The following ARNT variants were observed in gnomAD, a reference collection of about 807,000 sequenced individuals.
The protein encoded by ARNT is class E basic helix-loop-helix protein 2.
A neutral mutation model predicts 105.0 loss-of-function variants in ARNT; 30 were observed. That is an observed-to-expected ratio of 0.29 (90% confidence interval 0.21 to 0.39). The LOEUF is 0.39. ARNT is among the 10% of genes least tolerant of loss of function. ARNT has a pLI of 1.00. For synonymous variants in ARNT, 304 were observed against 344.0 expected, an observed-to-expected ratio of 0.88 and a Z score of 1.29; for missense variants, 748 against 978.7, an observed-to-expected ratio of 0.76 and a Z score of 3.15.
intron 2 of ARNT, among the ~76,000 whole-genome samples, chr1:150,854,543 C>A (rs187336094): frequency 6.6e-6 from 1 of 152,118 alleles, no homozygotes; most frequent in Non-Finnish European, 1.5e-5. Context: ...ACCTCAGTGA[C>A]ATGGCAAGAC....
chr1:150,868,052 T>C (rs1666891674), intron 1 of ARNT, among the ~76,000 whole-genome samples: 1 of 152,062 alleles, frequency 6.6e-6, no homozygotes, highest in Non-Finnish European at 1.5e-5. Flanking sequence ...AAGAGGACTA[T>C]GGTAGGTACC....
chr1:150,857,418 C>T (rs1422841113), intron 2 of ARNT, among the ~76,000 whole-genome samples: 1 of 152,148 alleles, frequency 6.6e-6, no homozygotes, highest in Admixed American at 6.6e-5. Flanking sequence ...TAGAAAGTTA[C>T]TTATTCAGCT....
chr1:150,871,460 C>G (rs1667425883), intron 1 of ARNT, among the ~76,000 whole-genome samples: 1 of 151,060 alleles, frequency 6.6e-6, no homozygotes, highest in African/African-American at 2.4e-5. Context: ...GCCACCATGC[C>G]TGGCTAATTT....
At chr1:150,836,891 A>G (rs796374961) in intron 6 of ARNT, among the ~76,000 whole-genome samples, 13 of 152,220 alleles carry the variant, frequency 8.5e-5, no homozygotes, top group African/African-American at 3.1e-4. Context: ...CAAACAAAAC[A>G]AAACAAAACA....
intron 4 of ARNT, 88 bp from the exon 5 acceptor site, chr1:150,842,556 G>A (rs1242142093): frequency 6.3e-6 from 7 of 1,104,924 alleles, no homozygotes; most frequent in South Asian, 2.8e-5. Context: ...AAGGAAGGAG[G>A]GAGGGAGAGG....
chr1:150,827,863 G>T (rs1441094095), intron 12 of ARNT, among the ~76,000 whole-genome samples: 1 of 152,158 alleles, frequency 6.6e-6, no homozygotes, highest in Non-Finnish European at 1.5e-5. Context: ...AGCCATTCTA[G>T]TGGGTATATA....
At chr1:150,863,198 C>T (rs185883517) in intron 1 of ARNT, among the ~76,000 whole-genome samples, 1 of 151,742 alleles carries the variant, frequency 6.6e-6, no homozygotes, top group East Asian at 2.0e-4. Flanking sequence ...CCCGTCTCTA[C>T]TAAAAATACA....
intron 19 of ARNT, among the ~76,000 whole-genome samples, chr1:150,815,078 T>C (rs1655540302): frequency 6.6e-6 from 1 of 152,214 alleles, no homozygotes; most frequent in South Asian, 2.1e-4. Flanking sequence ...CAGTTTCTAT[T>C]TTCTCATGCA....
rs1337983076 is a variant in ARNT at position 150,831,898 on chromosome 1, C to T, written c.875G>A (p.Gly292Glu). ...TTCCCCATCCTTTACAGAGCCAAGT[C>T]CATTCCTAGAAGAGTTACAGGAGTT... The part of the protein sequence containing the change: ...LSFVRNRCRN[G>E]LGSVKDGEPH... Residue 292 changes from glycine (G) to glutamate (E), a missense_variant, in exon 10 of 22, where the codon GGA (glycine) becomes GAA (glutamate). By Grantham distance (98) the Gly-to-Glu change is moderately conservative. Transcript: ENST00000358595. 1.3e-6 allele frequency: 2 copies of T among 1,574,524 alleles called. No individual in the cohort carries two copies. Among genetic ancestry groups the T allele is most frequent in the Admixed American group, 4.0e-5 (2 of 49,896 alleles).
chr1:150,817,515 CAAATT>C, intron 15 of ARNT, 82 bp from the exon 16 acceptor site: 1 of 1,358,438 alleles, frequency 7.4e-7, no homozygotes, highest in Non-Finnish European at 1.0e-6. Flanking sequence ...AACCTTAAAA[CAAATT>C]AAACAGGCCG....
Position 150,821,828 on chromosome 1 carries a change from CT to C in ARNT, c.1394+1365del, listed in dbSNP as rs367766946. Among the ~76,000 whole-genome samples, 536 of 114,868 alleles carry C rather than the reference CT, an allele frequency of 4.7e-3. 6 individuals carry two copies. The highest frequency in any genetic ancestry group is 0.014 in the African/African-American group (375 of 27,698). The allele number at this position is 114,868 out of a possible 152,430, so 75.4% of individuals were successfully genotyped here. On this transcript the variant is annotated intron_variant, in intron 14 of 21. Transcript: ENST00000358595. The stretch of plus-strand genomic sequence containing the variant: ...CATGCCCAGCTAATTTTTGTATTTT[CT>C]TTTTTTTTTTTTTTTTTTTTTCAGT...
chr1:150,836,292 T>C lies in ARNT; in HGVS notation c.688A>G (p.Asn230Asp), dbSNP rs1020918785. The change falls in exon 7 of 22, where the codon AAT (asparagine) becomes GAT (aspartate). Residue 230 changes from asparagine (N) to aspartate (D), a missense_variant. By Grantham distance (23) the Asn-to-Asp change is conservative (BLOSUM62 1). Transcript: ENST00000358595. ...KLREQLSTSE[N>D]ALTGRILDLK... Reference sequence around the variant, plus strand: ...ACATAACTCTCACCTGTCAGGGCATTTTCTGAAGTGGAAAGCTGCTCACGA... The same window carrying C: ...ACATAACTCTCACCTGTCAGGGCATCTTCTGAAGTGGAAAGCTGCTCACGA... 1 of 1,614,144 alleles carries C rather than the reference T, an allele frequency of 6.2e-7. No individual in the cohort carries two copies. The highest frequency in any genetic ancestry group is 8.5e-7 in the Non-Finnish European group (1 of 1,179,994).
intron 13 of ARNT, among the ~76,000 whole-genome samples, 154 bp downstream of exon 13, chr1:150,826,389 G>A (rs587661610): frequency 6.6e-6 from 1 of 152,302 alleles, no homozygotes; most frequent in Admixed American, 6.5e-5. Flanking sequence ...TAATTTCAAA[G>A]TATTAGTCCT....
intron 1 of ARNT, among the ~76,000 whole-genome samples, chr1:150,863,050 CAAAA>C (rs143880940): frequency 5.0e-5 from 3 of 59,730 alleles, no homozygotes; most frequent in Admixed American, 1.9e-4. Context: ...GATTCCGTCT[CAAAA>C]AAAAAAAAAA....
intron 2 of ARNT, among the ~76,000 whole-genome samples, chr1:150,855,132 T>C (rs1009788776): frequency 6.6e-6 from 1 of 151,900 alleles, no homozygotes; most frequent in African/African-American, 2.4e-5. Context: ...AGAAATAATA[T>C]GAAATAGGAA....
intron 2 of ARNT, among the ~76,000 whole-genome samples, chr1:150,853,605 G>A (rs1664032046): frequency 1.3e-5 from 2 of 152,156 alleles, no homozygotes. Context: ...TAATAAACAT[G>A]TAATATATAC....
intron 1 of ARNT, among the ~76,000 whole-genome samples, chr1:150,867,971 T>G (rs1426371593): frequency 6.6e-6 from 1 of 152,068 alleles, no homozygotes; most frequent in East Asian, 1.9e-4. Flanking sequence ...CAATTAAACC[T>G]CTTTTCTTCA....
At chr1:150,846,439 G>C (rs1393641038) in intron 3 of ARNT, 132 bp from the exon 4 acceptor site, 2 of 822,020 alleles carry the variant, frequency 2.4e-6, no homozygotes, top group African/African-American at 1.7e-5. Flanking sequence ...CAAAGTGATA[G>C]AAATAACAGC....
intron 4 of ARNT, among the ~76,000 whole-genome samples, chr1:150,845,703 A>T (rs1382213970): frequency 2.0e-5 from 3 of 152,058 alleles, no homozygotes; most frequent in Non-Finnish European, 4.4e-5. Context: ...GGAGTTCAAG[A>T]TCACCCTGAC....
Sources: gnomAD v4.1 joint callset for allele counts (sites outside exome capture counted in the v4.1 genomes callset) on GRCh38, gnomAD v4.1.1 for gene constraint, MANE v1.5 for transcripts, NCBI Gene and HGNC (gene_info 2026-07-23, HGNC 2026-07-21) for gene names.